LRP1B: variants seen among roughly 807,000 people sequenced by gnomAD.
LRP1B encodes the protein low-density lipoprotein receptor-related protein 1B.
Under a neutral mutation model 556.6 loss-of-function variants are expected in LRP1B, and 217 were observed. The ratio of observed to expected loss-of-function variants is 0.39; its 90% confidence interval spans 0.35 to 0.44. LRP1B has a LOEUF of 0.44. LRP1B is among the 20% of genes least tolerant of loss of function. The pLI, the probability that LRP1B is intolerant of heterozygous loss-of-function variation, is 1.00. For synonymous variants in LRP1B, 2,047 were observed against 1,865.8 expected, an observed-to-expected ratio of 1.10 and a Z score of -2.50; for missense variants, 5,053 against 5,620.8, an observed-to-expected ratio of 0.90 and a Z score of 3.23.
Position 140,868,164 on chromosome 2 carries a change from A to T in LRP1B, c.4269T>A (p.Thr1423=), listed in dbSNP as rs1394676778. Residue 1423 remains threonine, a synonymous_variant, in exon 26 of 91, where the codon ACT becomes ACA. Transcript: ENST00000389484. ...GRKTIYKDMK[T]GAWPNGLTVD... is the part of the protein sequence containing the mutation. ...CAGTTAGTCCATTAGGCCAAGCCCC[A>T]GTTTTCATGTCTTTATAGATGGTTT... 6.2e-7 allele frequency: 1 copy of T among 1,611,592 alleles called. No individual in the cohort carries two copies. The highest frequency in any genetic ancestry group is 2.2e-5 in the East Asian group (1 of 44,754).
rs1191711310 is a variant in LRP1B at position 141,551,451 on chromosome 2, T to C, written c.206-70918A>G. Among the ~76,000 whole-genome samples, 6 of 152,196 alleles carry C rather than the reference T, an allele frequency of 3.9e-5. No individual in the cohort carries two copies. The East Asian group carries it at 1.2e-3, about 29-fold the overall frequency. On this transcript the variant is annotated intron_variant, in intron 2 of 90. Transcript: ENST00000389484. ...AGAAATTAATAAATGCCATCCAAGGTTACACCAAAACTCTCATTCAGTTAA... is the reference window on the plus strand; with the variant it reads ...AGAAATTAATAAATGCCATCCAAGGCTACACCAAAACTCTCATTCAGTTAA...
chr2:140,481,616 T>TATC (rs1553472264), intron 59 of LRP1B, among the ~76,000 whole-genome samples: 1 of 134,186 alleles, frequency 7.5e-6, no homozygotes, highest in Non-Finnish European at 1.7e-5. Context: ...TTATTATTAT[T>TATC]ATTATTTGGG....
intron 1 of LRP1B, among the ~76,000 whole-genome samples, chr2:142,112,155 G>A (rs543166627): frequency 7.9e-5 from 12 of 151,890 alleles, no homozygotes; most frequent in East Asian, 1.9e-4. Flanking sequence ...AAAACATTCC[G>A]CCCAGAAATG....
chr2:141,664,835 C>T (rs1246630172), intron 2 of LRP1B, among the ~76,000 whole-genome samples: 1 of 152,024 alleles, frequency 6.6e-6, no homozygotes, highest in Non-Finnish European at 1.5e-5. Context: ...GACATCCTCA[C>T]AGAATTGGAC....
chr2:142,054,906 A>G (rs1014093796), intron 1 of LRP1B, among the ~76,000 whole-genome samples: 1 of 152,162 alleles, frequency 6.6e-6, no homozygotes, highest in Non-Finnish European at 1.5e-5. Context: ...AACATTTTAC[A>G]TAATCTCTTT....
At chr2:140,243,755 A>C (rs1372392562) in intron 87 of LRP1B, among the ~76,000 whole-genome samples, 1 of 151,116 alleles carries the variant, frequency 6.6e-6, no homozygotes, top group African/African-American at 2.4e-5. Flanking sequence ...TGATACCAGC[A>C]CACTGGTCTT....
chr2:141,908,945 C>T (rs2104947930), intron 1 of LRP1B, among the ~76,000 whole-genome samples: 1 of 152,094 alleles, frequency 6.6e-6, no homozygotes, highest in East Asian at 1.9e-4. Flanking sequence ...GGAGGTTAAA[C>T]AAAATATTCA....
chr2:140,845,357 G>A lies in LRP1B; in HGVS notation c.4940-4265C>T, dbSNP rs191895293. 5.0e-3 allele frequency among the ~76,000 whole-genome samples: 763 copies of A among 152,024 alleles called. 10 individuals carry two copies. Among genetic ancestry groups the A allele is most frequent in the Middle Eastern group, 0.014 (4 of 294 alleles). Reference sequence around the variant, plus strand: ...GTCCTAACTGCAAAACCAAAGAAAGGGAAAAATAAAGTTAAACTGATTCCT... The same window carrying A: ...GTCCTAACTGCAAAACCAAAGAAAGAGAAAAATAAAGTTAAACTGATTCCT... On this transcript the variant is annotated intron_variant, in intron 29 of 90. Transcript: ENST00000389484.
intron 3 of LRP1B, among the ~76,000 whole-genome samples, chr2:141,417,584 A>G (rs1392827446): frequency 6.6e-6 from 1 of 152,154 alleles, no homozygotes; most frequent in East Asian, 1.9e-4. Context: ...ATATTGCATC[A>G]TATGTATAAA....
rs1398294088 is a variant in LRP1B, at chr2:141,947,089, G to A, written c.83-136688C>T. Among the ~76,000 whole-genome samples the A allele has an allele frequency of 3.3e-5, 5 of 152,182 alleles. No homozygotes were observed. In the East Asian group the frequency reaches 5.8e-4, roughly 18 times the overall value. The stretch of plus-strand genomic sequence containing the variant: ...CTGGATAAAAATGGTGACAGCAGTG[G>A]GAAGTAGATGAGGCGATCAATATGT... On this transcript the variant is annotated intron_variant, in intron 1 of 90. Transcript: ENST00000389484.
chr2:141,592,692 G>T (rs1160054008), intron 2 of LRP1B, among the ~76,000 whole-genome samples: 1 of 152,036 alleles, frequency 6.6e-6, no homozygotes, highest in Non-Finnish European at 1.5e-5. Flanking sequence ...TAAAAATGAG[G>T]CAAGAGATAC....
At chr2:141,300,210 G>A (rs1223923627) in intron 3 of LRP1B, among the ~76,000 whole-genome samples, 2 of 152,182 alleles carry the variant, frequency 1.3e-5, no homozygotes, top group African/African-American at 2.4e-5. Flanking sequence ...TATGAGCTAT[G>A]CAGTCTATGG....
intron 48 of LRP1B, 72 bp from the exon 49 acceptor site, chr2:140,526,065 A>G: frequency 6.6e-7 from 1 of 1,513,988 alleles, no homozygotes; most frequent in Middle Eastern, 1.7e-4. Flanking sequence ...TGTAGGTCAT[A>G]GAGATGAGAA....
intron 1 of LRP1B, among the ~76,000 whole-genome samples, chr2:142,003,915 T>C (rs1048150021): frequency 1.2e-4 from 19 of 152,220 alleles, no homozygotes; most frequent in African/African-American, 4.3e-4. Flanking sequence ...GCCTTCACTT[T>C]TGTGGAGCTT....
rs373594906 is a variant in LRP1B at position 141,055,195 on chromosome 2, T to G, written c.1473A>C (p.Leu491=). The G allele has an allele frequency of 5.5e-5, 88 of 1,612,230 alleles. No homozygotes were observed. The highest frequency in any genetic ancestry group is 7.4e-5 in the Non-Finnish European group (87 of 1,179,068). ...TCCGAGTTTTGTAACTGCTGCTGAG[T>G]AGACAGATGTGTGAACAGCCCCCTG... is the stretch of plus-strand genomic sequence containing the variant. The part of the protein sequence containing the change: ...GMPGGCSHIC[L]LSSSYKTRTC... Residue 491 remains leucine (L), a synonymous_variant, in exon 10 of 91, where the codon CTA becomes CTC. Coordinates refer to ENST00000389484, the MANE Select transcript of LRP1B (RefSeq NM_018557.3).
At chr2:140,686,605 A>C (rs1686061132) in intron 41 of LRP1B, among the ~76,000 whole-genome samples, 5 of 152,084 alleles carry the variant, frequency 3.3e-5, no homozygotes, top group Admixed American at 1.3e-4. Flanking sequence ...TTGAGGTGGG[A>C]AAATGACTTC....
intron 3 of LRP1B, among the ~76,000 whole-genome samples, chr2:141,407,923 T>C (rs2104937260): frequency 6.6e-6 from 1 of 152,260 alleles, no homozygotes; most frequent in Non-Finnish European, 1.5e-5. Flanking sequence ...TGAAAGCATA[T>C]CACAGGAAAG....
intron 1 of LRP1B, among the ~76,000 whole-genome samples, chr2:141,876,655 T>A (rs183284750): frequency 3.3e-5 from 5 of 151,992 alleles, no homozygotes; most frequent in Admixed American, 3.3e-4. Flanking sequence ...TAGTTGACAC[T>A]ATGACTTAAT....
chr2:140,875,751 T>C (rs574831123), intron 25 of LRP1B, among the ~76,000 whole-genome samples: 2 of 152,314 alleles, frequency 1.3e-5, no homozygotes, highest in African/African-American at 4.8e-5. Context: ...CAGGAAGCAT[T>C]GTCAATTGTG....
Sources: allele counts gnomAD v4.1 joint callset (sites outside exome capture counted in the v4.1 genomes callset), GRCh38; gene constraint gnomAD v4.1.1; transcripts MANE v1.5; gene names NCBI Gene and HGNC (gene_info 2026-07-23, HGNC 2026-07-21).